The following CHODL variants were observed in gnomAD, a reference collection of about 807,000 sequenced individuals.
The protein encoded by CHODL is transmembrane protein MT75.
A neutral mutation model predicts 34.5 loss-of-function variants in CHODL; 29 were observed. That is an observed-to-expected ratio of 0.84 (90% CI 0.63 to 1.15). CHODL has a LOEUF of 1.15. Ranked by LOEUF, CHODL falls within the 50% of genes most tolerant of loss-of-function variation. The pLI, the probability that CHODL is intolerant of heterozygous loss-of-function variation, is 0.00. For synonymous variants in CHODL, 125 were observed against 116.1 expected (o/e 1.08, Z -0.49); for missense variants, 332 against 332.5 (o/e 1.00, Z 0.01).
chr21:18,124,246 T>C (rs191658903), intron 2 of CHODL, among the ~76,000 whole-genome samples: 38 of 152,292 alleles, frequency 2.5e-4, no homozygotes, highest in Non-Finnish European at 4.9e-4. Flanking sequence ...TTATTGTATG[T>C]CTGGTCATCC....
At chr21:17,942,843 G>A (rs539847306) in intron 1 of CHODL, among the ~76,000 whole-genome samples, 13 of 152,072 alleles carry the variant, frequency 8.5e-5, no homozygotes, top group East Asian at 3.9e-4. Flanking sequence ...GGAGGGACCC[G>A]GTAGAAGGTG....
At chr21:17,923,708 A>T (rs1025947008) in intron 1 of CHODL, among the ~76,000 whole-genome samples, 2 of 152,046 alleles carry the variant, frequency 1.3e-5, no homozygotes, top group Admixed American at 6.5e-5. Context: ...TGATTCGCCC[A>T]CCTCAGCCTC....
intron 1 of CHODL, among the ~76,000 whole-genome samples, chr21:18,025,435 C>T (rs2064165266): frequency 6.6e-6 from 1 of 151,930 alleles, no homozygotes; most frequent in Non-Finnish European, 1.5e-5. Context: ...TTCCAAAGCC[C>T]CTCTGGCTAT....
At chr21:18,197,403 G>A (rs2073601725) in intron 2 of CHODL, among the ~76,000 whole-genome samples, 1 of 152,158 alleles carries the variant, frequency 6.6e-6, no homozygotes, top group Non-Finnish European at 1.5e-5. Context: ...TTGAGGTCAG[G>A]AGTTCGAGAC....
intron 1 of CHODL, among the ~76,000 whole-genome samples, chr21:18,004,769 G>A (rs1441796182): frequency 6.6e-6 from 1 of 151,004 alleles, no homozygotes; most frequent in Admixed American, 6.6e-5. Flanking sequence ...TTTTAAATAT[G>A]TAAAACAGAA....
intron 2 of CHODL, among the ~76,000 whole-genome samples, chr21:18,183,990 G>C (rs1232946428): frequency 6.6e-6 from 1 of 152,054 alleles, no homozygotes; most frequent in African/African-American, 2.4e-5. Flanking sequence ...TAAAAGTGTA[G>C]TATTAAAGGT....
intron 1 of CHODL, among the ~76,000 whole-genome samples, chr21:18,002,754 G>C (rs1446789455): frequency 6.6e-6 from 1 of 152,170 alleles, no homozygotes; most frequent in Admixed American, 6.5e-5. Flanking sequence ...AATATGGTTT[G>C]ATGGACAGAG....
At chr21:18,072,828 T>C (rs2064821804) in intron 2 of CHODL, among the ~76,000 whole-genome samples, 2 of 152,166 alleles carry the variant, frequency 1.3e-5, no homozygotes, top group South Asian at 4.1e-4. Flanking sequence ...ATACCAAATA[T>C]ACCTATAAAA....
At chr21:18,043,843 AAAGGC>A (rs1168160346) in intron 2 of CHODL, among the ~76,000 whole-genome samples, 1 of 151,952 alleles carries the variant, frequency 6.6e-6, no homozygotes, top group Non-Finnish European at 1.5e-5. Flanking sequence ...GCGGAAGGCG[AAAGGC>A]ATGTCTTCCA....
At position 18,123,948 on chromosome 21, in the gene CHODL, C is replaced by T. The variant is rs547409704; in HGVS notation, c.-45+95977C>T. Among the ~76,000 whole-genome samples the T allele has an allele frequency of 1.9e-3, 295 of 152,154 alleles. 1 individual carries two copies. Among genetic ancestry groups the T allele is most frequent in the Non-Finnish European group, 2.9e-3 (200 of 68,006 alleles). On this transcript the variant is annotated intron_variant, in intron 2 of 6. Transcript: ENST00000400127. ...CTGTAATCCCAGCATTTTGGGAGGC[C>T]GAGGCGGGCGGATCATCTGAGGTCA...
intron 1 of CHODL, among the ~76,000 whole-genome samples, chr21:17,919,039 T>C (rs2063163250): frequency 6.6e-6 from 1 of 152,210 alleles, no homozygotes; most frequent in Non-Finnish European, 1.5e-5. Context: ...TCCCATCCCC[T>C]TGGGCAGCTC....
intron 2 of CHODL, among the ~76,000 whole-genome samples, chr21:18,121,424 C>T (rs2065478000): frequency 6.6e-6 from 1 of 152,140 alleles, no homozygotes; most frequent in African/African-American, 2.4e-5. Flanking sequence ...CTGACTATGC[C>T]TACAATTCCA....
At chr21:18,099,097 G>T (rs1056706421) in intron 2 of CHODL, among the ~76,000 whole-genome samples, 32 of 151,984 alleles carry the variant, frequency 2.1e-4, no homozygotes, top group Admixed American at 1.6e-3. Flanking sequence ...TGGGGTGGAA[G>T]GACTGTAGGG....
At chr21:18,026,948 GATAATTTAAGAAAGAAGCAAGTA>G (rs2064182261) in intron 1 of CHODL, among the ~76,000 whole-genome samples, 1 of 152,116 alleles carries the variant, frequency 6.6e-6, no homozygotes, top group African/African-American at 2.4e-5. Flanking sequence ...TTTTTAGAAA[GATAATTTAAGAAAGAAGCAAGTA>G]ATACCTTTAA....
chr21:18,232,674 AC>A (rs2146757223), intron 2 of CHODL, among the ~76,000 whole-genome samples: 1 of 151,714 alleles, frequency 6.6e-6, no homozygotes, highest in African/African-American at 2.4e-5. Context: ...CTAACCTTAA[AC>A]CATCTCAGTC....
At chr21:18,012,885 A>G (rs979924059) in intron 1 of CHODL, among the ~76,000 whole-genome samples, 1 of 152,216 alleles carries the variant, frequency 6.6e-6, no homozygotes, top group African/African-American at 2.4e-5. Flanking sequence ...CATATAAAAT[A>G]TGGCTGGAGT....
At chr21:18,164,060 G>C (rs892006626) in intron 2 of CHODL, among the ~76,000 whole-genome samples, 2 of 152,144 alleles carry the variant, frequency 1.3e-5, no homozygotes, top group African/African-American at 4.8e-5. Flanking sequence ...TATTAATTAA[G>C]TGGTTTTGGG....
intron 2 of CHODL, among the ~76,000 whole-genome samples, chr21:18,070,267 T>C (rs2064787640): frequency 6.6e-6 from 1 of 151,934 alleles, no homozygotes; most frequent in Admixed American, 6.6e-5. Flanking sequence ...GTGTTAATTT[T>C]AAGTAGAAAA....
intron 1 of CHODL, chr21:18,245,882 G>A (rs2074134733): frequency 6.5e-7 from 1 of 1,534,174 alleles, no homozygotes; most frequent in Admixed American, 2.0e-5. Context: ...TTTGCACACT[G>A]CGTTCCAAGT....
Sources: gnomAD v4.1 joint callset for allele counts (sites outside exome capture counted in the v4.1 genomes callset) on GRCh38, gnomAD v4.1.1 for gene constraint, MANE v1.5 for transcripts, NCBI Gene and HGNC (gene_info 2026-07-23, HGNC 2026-07-21) for gene names.